Variants in ZBTB16 observed in about 807,000 individuals in gnomAD.
ZBTB16 encodes zinc finger and BTB domain-containing protein 16.
ZBTB16 carries 8 observed loss-of-function variants against 56.8 expected under a neutral mutation model. That is an observed-to-expected ratio of 0.14 (90% CI 0.08 to 0.25). The LOEUF (loss-of-function observed/expected upper bound fraction) is 0.25, where lower values mean the gene tolerates loss of function less well. Ranked by LOEUF, ZBTB16 falls within the 10% of genes least tolerant of loss-of-function variation. ZBTB16 has a pLI of 1.00. For missense variants in ZBTB16, 625 were observed against 903.0 expected, an observed-to-expected ratio of 0.69 and a Z score of 3.95; for synonymous variants, 363 against 368.5, an observed-to-expected ratio of 0.98 and a Z score of 0.17.
At chr11:114,246,030 G>T (rs1400454983) in intron 5 of ZBTB16, among the ~76,000 whole-genome samples, 1 of 152,040 alleles carries the variant, frequency 6.6e-6, no homozygotes, top group African/African-American at 2.4e-5. Flanking sequence ...CCCCCACTTT[G>T]GATATGAAAG....
At position 114,252,697 on chromosome 11, in the gene ZBTB16, A is replaced by G. The variant is rs1019852105; in HGVS notation, c.*2142A>G. ...GCTGCGTTTTGATCTTAGGTTTTAC[A>G]AAGTGGTTTAGGGAAGCGGTTTTGG... On this transcript the variant is annotated 3_prime_UTR_variant, in exon 7 of 7. Transcript: ENST00000335953. 2.0e-5 allele frequency among the ~76,000 whole-genome samples: 3 copies of G among 152,048 alleles called. No homozygotes were observed. The highest frequency in any genetic ancestry group is 6.5e-5 in the Admixed American group (1 of 15,270).
chr11:114,106,111 C>T (rs57105097), intron 2 of ZBTB16, among the ~76,000 whole-genome samples: 84 of 152,306 alleles, frequency 5.5e-4, no homozygotes, highest in African/African-American at 1.7e-3. Flanking sequence ...CTGTATTAAC[C>T]TTTCATAGCG....
At position 114,063,752 on chromosome 11, in the gene ZBTB16, G is replaced by T. The variant is rs753220958; in HGVS notation, c.452G>T (p.Arg151Leu). 6.2e-7 allele frequency: 1 copy of T among 1,613,980 alleles called. No homozygotes were observed. The highest frequency in any genetic ancestry group is 1.7e-5 in the Admixed American group (1 of 60,024). Residue 151 changes from arginine (R) to leucine (L), a missense_variant, in exon 2 of 7, where the codon CGG becomes CTG. Physicochemically the swap from Arg to Leu is moderately radical, Grantham distance 102. Coordinates refer to ENST00000335953, the MANE Select transcript of ZBTB16 (RefSeq NM_006006.6). The surrounding 1 kb of genome is among the most constrained non-coding windows in gnomAD (Gnocchi z 6.5). ...GAEEEEDRKARYLKNIFISKH... is the reference protein window; with the variant it reads ...GAEEEEDRKALYLKNIFISKH... ...GAGGAAGAAGAGGACCGCAAGGCTC[G>T]GTACCTCAAGAACATCTTCATCTCG... is the stretch of plus-strand genomic sequence containing the variant.
At chr11:114,225,946 T>A (rs914857756) in intron 4 of ZBTB16, among the ~76,000 whole-genome samples, 5 of 152,212 alleles carry the variant, frequency 3.3e-5, no homozygotes, top group African/African-American at 1.2e-4. Flanking sequence ...GAAAGGAAAC[T>A]AAGACCCAGA....
At chr11:114,104,727 A>G (rs1409838398) in intron 2 of ZBTB16, among the ~76,000 whole-genome samples, 1 of 152,202 alleles carries the variant, frequency 6.6e-6, no homozygotes, top group Non-Finnish European at 1.5e-5. Flanking sequence ...AGGAAACATC[A>G]TTGTAGCTTC....
chr11:114,203,368 A>G (rs887985095), intron 4 of ZBTB16, among the ~76,000 whole-genome samples: 2 of 152,156 alleles, frequency 1.3e-5, no homozygotes, highest in African/African-American at 4.8e-5. Flanking sequence ...CTGGAATTAG[A>G]TAGTGGTGGT....
Position 114,250,322 on chromosome 11 carries a change from T to C in ZBTB16, c.1793-4T>C. 1 of 1,611,250 alleles carries C rather than the reference T, an allele frequency of 6.2e-7. No homozygotes were observed. The highest frequency in any genetic ancestry group is 8.5e-7 in the Non-Finnish European group (1 of 1,179,968). On this transcript the variant is annotated splice_region_variant and splice_polypyrimidine_tract_variant and intron_variant, in intron 6 of 6. Transcript: ENST00000335953. This position sits in a 1 kb window ranked among gnomAD's most constrained non-coding sequence, Gnocchi z 6.0. ...TTTCTCCTGCCCTGTCCCTCCGCCC[T>C]CAGGTGAGAAGCCCTTTGAGTGTAA...
At chr11:114,068,513 G>A (rs1939210626) in intron 2 of ZBTB16, among the ~76,000 whole-genome samples, 2 of 152,326 alleles carry the variant, frequency 1.3e-5, no homozygotes, top group South Asian at 2.1e-4. Flanking sequence ...AGTGTCAAGT[G>A]TAGTCATGGA....
chr11:114,245,425 C>A (rs1173902320), intron 5 of ZBTB16, among the ~76,000 whole-genome samples: 1 of 152,162 alleles, frequency 6.6e-6, no homozygotes, highest in Admixed American at 6.5e-5. Flanking sequence ...GTGCTTCTTG[C>A]AAATCTTCCA....
chr11:114,181,299 C>T (rs532853788), intron 3 of ZBTB16, among the ~76,000 whole-genome samples: 3 of 152,302 alleles, frequency 2.0e-5, no homozygotes, highest in South Asian at 2.1e-4. Context: ...CCCACCTTGT[C>T]GCAACTCTCC....
chr11:114,195,221 G>A (rs901095720), intron 4 of ZBTB16, among the ~76,000 whole-genome samples: 2 of 152,168 alleles, frequency 1.3e-5, no homozygotes, highest in Non-Finnish European at 2.9e-5. Flanking sequence ...AGGGTAGGAG[G>A]CCGGGCAGTC....
intron 3 of ZBTB16, among the ~76,000 whole-genome samples, chr11:114,165,388 C>G (rs968835793): frequency 6.6e-6 from 1 of 152,192 alleles, no homozygotes; most frequent in African/African-American, 2.4e-5. Context: ...CTTTACAAGG[C>G]CCTTATTGGA....
At chr11:114,078,330 A>G (rs1939642270) in intron 2 of ZBTB16, among the ~76,000 whole-genome samples, 1 of 152,112 alleles carries the variant, frequency 6.6e-6, no homozygotes. Context: ...CACCCCTACA[A>G]GTTGTTGGCT....
rs2606723 is a variant in ZBTB16 at position 114,088,339 on chromosome 11, G to T, written c.1268+23771G>T. ...GTATTTTTAGTAGAGATGCGGTTTCGCCATGCTGGCCAGGCTGGTCCCCAA... is the reference window on the plus strand; with the variant it reads ...GTATTTTTAGTAGAGATGCGGTTTCTCCATGCTGGCCAGGCTGGTCCCCAA... On this transcript the variant is annotated intron_variant, in intron 2 of 6. Coordinates refer to ENST00000335953, the MANE Select transcript of ZBTB16 (RefSeq NM_006006.6). 2.0e-5 allele frequency among the ~76,000 whole-genome samples: 3 copies of T among 151,766 alleles called. No individual in the cohort carries two copies. In the East Asian group the frequency reaches 5.8e-4, roughly 30 times the overall value.
chr11:114,099,957 C>T (rs184954417), intron 2 of ZBTB16, among the ~76,000 whole-genome samples: 40 of 152,278 alleles, frequency 2.6e-4, no homozygotes, highest in Admixed American at 1.8e-3. Context: ...AGTGTGTGTC[C>T]TCTGACGTCT....
chr11:114,121,416 T>C (rs1591687122), intron 2 of ZBTB16, among the ~76,000 whole-genome samples: 1 of 152,010 alleles, frequency 6.6e-6, no homozygotes, highest in Non-Finnish European at 1.5e-5. Flanking sequence ...GCCAGTAAGG[T>C]GGGGAGGTCA....
At position 114,064,526 on chromosome 11, in the gene ZBTB16, G is replaced by A; in HGVS notation, c.1226G>A (p.Cys409Tyr). Residue 409 changes from cysteine to tyrosine, a missense_variant, in exon 2 of 7, where the codon TGT (cysteine) becomes TAT (tyrosine). Around this residue, in one of 6 missense-constraint regions of ZBTB16, gnomAD observed 384 missense variants for 393.5 expected, o/e 0.98. Coordinates refer to ENST00000335953, the MANE Select transcript of ZBTB16 (RefSeq NM_006006.6). This position sits in a 1 kb window ranked among gnomAD's most constrained non-coding sequence, Gnocchi z 4.2. ...SRTIGEQCSV[C>Y]GVELPDNEAV... is the part of the protein sequence containing the mutation. ...ACCATCGGAGAGCAGTGCAGCGTGT[G>A]TGGGGTCGAGCTTCCTGATAACGAG... 1.2e-6 allele frequency: 2 copies of A among 1,614,018 alleles called. No homozygotes were observed. Among genetic ancestry groups the A allele is most frequent in the South Asian group, 1.1e-5 (1 of 91,070 alleles).
At chr11:114,077,224 C>G (rs1939602424) in intron 2 of ZBTB16, among the ~76,000 whole-genome samples, 1 of 152,184 alleles carries the variant, frequency 6.6e-6, no homozygotes, top group African/African-American at 2.4e-5. Context: ...TTCCCCCTCC[C>G]CAGCCTGCAG....
chr11:114,217,597 G>A (rs1944134241), intron 4 of ZBTB16, among the ~76,000 whole-genome samples: 1 of 152,178 alleles, frequency 6.6e-6, no homozygotes, highest in African/African-American at 2.4e-5. Flanking sequence ...AATATAAGAT[G>A]TCTGCGGAAC....
Sources: gnomAD v4.1 joint callset for allele counts (sites outside exome capture counted in the v4.1 genomes callset) on GRCh38, gnomAD v4.1.1 for gene constraint, gnomAD v4.1.1 regional missense constraint, Gnocchi (gnomAD v3.1) non-coding constraint, MANE v1.5 for transcripts, NCBI Gene and HGNC (gene_info 2026-07-23, HGNC 2026-07-21) for gene names.